The following OXR1 variants were observed in gnomAD, a reference collection of about 807,000 sequenced individuals.
OXR1 encodes oxidation resistance 1, also known as oxidation resistance protein 1.
OXR1 carries 41 observed loss-of-function variants against 104.6 expected under a neutral mutation model. That is an observed-to-expected ratio of 0.39 (90% CI 0.31 to 0.51). OXR1 has a LOEUF of 0.51. OXR1 is among the 20% of genes least tolerant of loss of function. The probability of loss-of-function intolerance (pLI) is 0.77; values close to 1 mark genes in which losing one functional copy is unlikely to be tolerated. For synonymous variants in OXR1, 348 were observed against 348.4 expected, an observed-to-expected ratio of 1.00 and a Z score of 0.01; for missense variants, 955 against 1,031.9, an observed-to-expected ratio of 0.93 and a Z score of 1.02.
At chr8:106,305,179 A>G (rs1234606484) in intron 1 of OXR1, among the ~76,000 whole-genome samples, 2 of 151,970 alleles carry the variant, frequency 1.3e-5, no homozygotes, top group South Asian at 4.2e-4. Flanking sequence ...TTGCCCATGC[A>G]CTCCATCAAT....
At chr8:106,747,375 C>T (rs911476507) in intron 16 of OXR1, among the ~76,000 whole-genome samples, 2 of 152,240 alleles carry the variant, frequency 1.3e-5, no homozygotes, top group Admixed American at 1.3e-4. Flanking sequence ...GCCACCTAAA[C>T]TGATAGCCAC....
chr8:106,474,214 A>G (rs1004140127), intron 2 of OXR1, among the ~76,000 whole-genome samples: 43 of 151,352 alleles, frequency 2.8e-4, no homozygotes, highest in African/African-American at 9.9e-4. Flanking sequence ...GGAAGTCATG[A>G]GCTTTCGAAT....
intron 2 of OXR1, among the ~76,000 whole-genome samples, chr8:106,386,326 A>AT (rs903265842): frequency 5.9e-5 from 9 of 152,084 alleles, no homozygotes; most frequent in African/African-American, 2.2e-4. Flanking sequence ...TAAGTTTAAA[A>AT]TTTTTCTGAT....
chr8:106,526,760 G>T (rs180677469), intron 3 of OXR1, among the ~76,000 whole-genome samples: 2 of 152,282 alleles, frequency 1.3e-5, no homozygotes, highest in South Asian at 4.1e-4. Context: ...AGCCAGGATG[G>T]TCTCTATCTC....
At position 106,706,453 on chromosome 8, in the gene OXR1, T is replaced by G; in HGVS notation, c.932T>G (p.Ile311Arg). The change falls in exon 9 of 17, where the codon ATA becomes AGA. Residue 311 changes from isoleucine (I) to arginine (R), a missense_variant. By Grantham distance (97) the Ile-to-Arg change is moderately conservative. Around this residue, in one of 2 missense-constraint regions of OXR1, gnomAD observed 849 missense variants for 852.9 expected, o/e 1.00. Coordinates refer to ENST00000517566, the MANE Select transcript of OXR1 (RefSeq NM_001198533.2). Reference sequence around the variant, plus strand: ...ATGACAGGAAGTAACACTGAGGAAATAGACTCAAGAATCCGAGATGCAGGT... The same window carrying G: ...ATGACAGGAAGTAACACTGAGGAAAGAGACTCAAGAATCCGAGATGCAGGT... Reference protein sequence around the residue: ...KKMTGSNTEEIDSRIRDAGND... With the variant: ...KKMTGSNTEERDSRIRDAGND... 1 of 1,598,026 alleles carries G rather than the reference T, an allele frequency of 6.3e-7. No homozygotes were observed. The highest frequency in any genetic ancestry group is 8.5e-7 in the Non-Finnish European group (1 of 1,175,702).
At position 106,710,697 on chromosome 8, in the gene OXR1, G is replaced by A. The variant is rs141581329; in HGVS notation, c.1700G>A (p.Arg567Lys). The A allele has an allele frequency of 1.2e-4, 194 of 1,604,604 alleles. No homozygotes were observed. The highest frequency in any genetic ancestry group is 1.4e-4 in the Non-Finnish European group (165 of 1,174,956). ...TGTCTCAGAGTTGGAAAACCAATGAGGAAAACGTTTGTATCTCAAGCAAGT... is the reference window on the plus strand; with the variant it reads ...TGTCTCAGAGTTGGAAAACCAATGAAGAAAACGTTTGTATCTCAAGCAAGT... ...FLCLRVGKPMRKTFVSQASAT... is the reference protein window; with the variant it reads ...FLCLRVGKPMKKTFVSQASAT... The change falls in exon 10 of 17, where the codon AGG becomes AAG. Residue 567 changes from arginine to lysine, a missense_variant. Physicochemically the swap from Arg to Lys is conservative, Grantham distance 26. Around this residue, in one of 2 missense-constraint regions of OXR1, gnomAD observed 849 missense variants for 852.9 expected, o/e 1.00. Transcript: ENST00000517566.
chr8:106,744,053 T>C (rs1297632178), intron 15 of OXR1, among the ~76,000 whole-genome samples: 1 of 151,742 alleles, frequency 6.6e-6, no homozygotes, highest in Admixed American at 6.6e-5. Flanking sequence ...AGGGTGAGGG[T>C]GTGGGGAGGG....
intron 11 of OXR1, among the ~76,000 whole-genome samples, chr8:106,728,112 T>C (rs1833520157): frequency 6.6e-6 from 1 of 151,712 alleles, no homozygotes; most frequent in Non-Finnish European, 1.5e-5. Flanking sequence ...CAGGCAGCTC[T>C]TAAGAAAATT....
At chr8:106,610,009 A>G (rs1820695064) in intron 3 of OXR1, among the ~76,000 whole-genome samples, 1 of 152,178 alleles carries the variant, frequency 6.6e-6, no homozygotes, top group African/African-American at 2.4e-5. Flanking sequence ...TCTAGCCCAG[A>G]AGATTATCAT....
intron 11 of OXR1, among the ~76,000 whole-genome samples, chr8:106,736,299 T>C (rs901588968): frequency 1.3e-5 from 2 of 152,172 alleles, no homozygotes; most frequent in African/African-American, 2.4e-5. Context: ...TGGAAATCTG[T>C]CCAGCCTCTT....
At chr8:106,671,063 A>AAAAAAAAAAAAAAAAAAAAAATG (rs1826915081) in intron 3 of OXR1, among the ~76,000 whole-genome samples, 1 of 148,912 alleles carries the variant, frequency 6.7e-6, no homozygotes, top group Non-Finnish European at 1.5e-5. Flanking sequence ...AAAAAAAAAA[A>AAAAAAAAAAAAAAAAAAAAAATG]GAATGGCTGA....
intron 3 of OXR1, among the ~76,000 whole-genome samples, chr8:106,528,860 TG>T (rs1813886003): frequency 6.6e-6 from 1 of 152,212 alleles, no homozygotes; most frequent in Admixed American, 6.5e-5. Context: ...AGAACTATCT[TG>T]GCATGCAGGT....
At chr8:106,750,451 G>A (rs973165963) in intron 16 of OXR1, among the ~76,000 whole-genome samples, 5 of 151,108 alleles carry the variant, frequency 3.3e-5, no homozygotes, top group Admixed American at 6.6e-5. Context: ...TCTGCCTCCC[G>A]AGTAGCTGGG....
At chr8:106,294,346 G>A (rs542109878) in intron 1 of OXR1, among the ~76,000 whole-genome samples, 2 of 140,748 alleles carry the variant, frequency 1.4e-5, no homozygotes, top group African/African-American at 2.8e-5. Context: ...GTGGTGAGCC[G>A]AGATGCACCA....
intron 2 of OXR1, among the ~76,000 whole-genome samples, chr8:106,461,059 G>A (rs751067640): frequency 6.6e-6 from 1 of 152,082 alleles, no homozygotes; most frequent in Non-Finnish European, 1.5e-5. Flanking sequence ...TAATAGCAAA[G>A]CACGTGTATT....
chr8:106,385,540 C>T (rs895320783), intron 2 of OXR1, among the ~76,000 whole-genome samples: 1 of 152,058 alleles, frequency 6.6e-6, no homozygotes, highest in African/African-American at 2.4e-5. Flanking sequence ...GGCAGTGTTC[C>T]AAGTACTTTA....
chr8:106,704,393 C>CTTTTTTTTTTTTTTTTTTTTTTTTTTTTT (rs71307084), intron 8 of OXR1, among the ~76,000 whole-genome samples: 28 of 47,890 alleles, frequency 5.8e-4, no homozygotes, highest in South Asian at 1.0e-3. Flanking sequence ...CTTTCTTCTT[C>CTTTTTTTTTTTTTTTTTTTTTTTTTTTTT]TTTTTTTTTT....
intron 2 of OXR1, among the ~76,000 whole-genome samples, chr8:106,381,009 A>G (rs565697342): frequency 4.6e-5 from 7 of 152,294 alleles, no homozygotes; most frequent in Non-Finnish European, 8.8e-5. Flanking sequence ...CATTAGTACG[A>G]CAATTCAACA....
intron 2 of OXR1, among the ~76,000 whole-genome samples, chr8:106,398,191 T>C (rs1173318615): frequency 6.6e-6 from 1 of 152,174 alleles, no homozygotes; most frequent in Non-Finnish European, 1.5e-5. Flanking sequence ...ACTAATTCTC[T>C]TCATTGGCTG....
Sources: gnomAD v4.1 joint callset for allele counts (sites outside exome capture counted in the v4.1 genomes callset) on GRCh38, gnomAD v4.1.1 for gene constraint, gnomAD v4.1.1 regional missense constraint, MANE v1.5 for transcripts, NCBI Gene and HGNC (gene_info 2026-07-23, HGNC 2026-07-21) for gene names.